The following DLG2 variants were observed in gnomAD, a reference collection of about 807,000 sequenced individuals.
DLG2 encodes disks large homolog 2.
DLG2 carries 45 observed loss-of-function variants against 132.5 expected under a neutral mutation model. The observed-to-expected ratio is 0.34, with a 90% CI of 0.27 to 0.44. The LOEUF (loss-of-function observed/expected upper bound fraction) is 0.44. Among genes scored for constraint, DLG2 ranks in the 20% least tolerant of loss-of-function variants. DLG2 has a pLI of 1.00. For missense variants in DLG2, 1,045 were observed against 1,196.9 expected (o/e 0.87, Z 1.87); for synonymous variants, 424 against 419.6 (o/e 1.01, Z -0.13).
At chr11:84,795,785 G>A (rs1209740063) in intron 6 of DLG2, among the ~76,000 whole-genome samples, 1 of 152,160 alleles carries the variant, frequency 6.6e-6, no homozygotes. Flanking sequence ...GAGGCTCTAT[G>A]GTTTCTGGCA....
chr11:84,275,155 C>T (rs188369167), intron 7 of DLG2, among the ~76,000 whole-genome samples: 19 of 152,286 alleles, frequency 1.2e-4, no homozygotes, highest in Admixed American at 9.8e-4. Flanking sequence ...TTTCCAACCT[C>T]CTGTTTATCA....
chr11:84,526,614 T>G (rs1334704190), intron 7 of DLG2, among the ~76,000 whole-genome samples: 1 of 152,146 alleles, frequency 6.6e-6, no homozygotes, highest in Non-Finnish European at 1.5e-5. Context: ...TTTATTAAAG[T>G]ATATTGTTAT....
At chr11:85,515,683 C>T (rs2094156300) in intron 3 of DLG2, among the ~76,000 whole-genome samples, 1 of 151,938 alleles carries the variant, frequency 6.6e-6, no homozygotes, top group Non-Finnish European at 1.5e-5. Context: ...TAAGAACTGA[C>T]TAGAAGTGGC....
chr11:84,397,578 A>G (rs1336752284), intron 7 of DLG2, among the ~76,000 whole-genome samples: 1 of 152,208 alleles, frequency 6.6e-6, no homozygotes, highest in Non-Finnish European at 1.5e-5. Flanking sequence ...TTAGAAGTCA[A>G]CTGATGAAAG....
chr11:83,772,480 G>A (rs904203838), intron 18 of DLG2, among the ~76,000 whole-genome samples: 10 of 143,260 alleles, frequency 7.0e-5, no homozygotes, highest in African/African-American at 2.6e-4. Flanking sequence ...AAGGAAGGAA[G>A]GAAGGAAGGA....
At chr11:84,650,873 G>GTGTGTGTATATATATA (rs1424393386) in intron 6 of DLG2, among the ~76,000 whole-genome samples, 33 of 123,976 alleles carry the variant, frequency 2.7e-4, no homozygotes, top group African/African-American at 9.2e-4. Context: ...GTGTGTGTGT[G>GTGTGTGTATATATATA]TATATATATA....
chr11:84,276,788 G>A (rs775549079), intron 7 of DLG2, among the ~76,000 whole-genome samples: 2 of 152,140 alleles, frequency 1.3e-5, no homozygotes, highest in Non-Finnish European at 2.9e-5. Flanking sequence ...GCTTTCTGCT[G>A]GTGAATGGTT....
chr11:84,153,792 T>C (rs1050056375), intron 9 of DLG2, among the ~76,000 whole-genome samples: 6 of 152,324 alleles, frequency 3.9e-5, no homozygotes, highest in Non-Finnish European at 7.3e-5. Context: ...TGTGTTTCCT[T>C]GTCATCCAGG....
At chr11:83,532,923 C>G (rs1297353884) in intron 20 of DLG2, 140 bp from the exon 21 acceptor site, 1 of 711,646 alleles carries the variant, frequency 1.4e-6, no homozygotes. Flanking sequence ...TTCCTTTGTT[C>G]CATATAAAAA....
chr11:83,693,358 T>C (rs957491004), intron 18 of DLG2, among the ~76,000 whole-genome samples: 12 of 152,134 alleles, frequency 7.9e-5, no homozygotes, highest in Admixed American at 2.6e-4. Context: ...TCTAATTACC[T>C]TCCCCAACTT....
chr11:84,734,504 C>T (rs1451824894), intron 6 of DLG2, among the ~76,000 whole-genome samples: 3 of 152,130 alleles, frequency 2.0e-5, no homozygotes, highest in African/African-American at 4.8e-5. Flanking sequence ...TGAGACTTTG[C>T]TGAAGTTGCT....
intron 7 of DLG2, among the ~76,000 whole-genome samples, chr11:84,267,016 A>G (rs539531599): frequency 1.3e-5 from 2 of 152,232 alleles, no homozygotes; most frequent in Non-Finnish European, 2.9e-5. Flanking sequence ...CTTATAATCC[A>G]AAGCAGAAAA....
In DLG2 at chr11:83,963,724, A is replaced by G. The variant is rs1251795195; in HGVS notation, c.1202-701T>C. Among the ~76,000 whole-genome samples, 5 of 152,092 alleles carry G rather than the reference A, an allele frequency of 3.3e-5. No individual in the cohort carries two copies. The East Asian group carries it at 7.7e-4, about 24-fold the overall frequency. ...CCTCTTTGCCATTCTTGCAAGATCA[A>G]TCAATTTTAATACCCCCCAACACAT... is the stretch of plus-strand genomic sequence containing the variant. On this transcript the variant is annotated intron_variant, in intron 13 of 27. Transcript: ENST00000376104.
chr11:84,039,820 G>C (rs1451023251), intron 11 of DLG2, among the ~76,000 whole-genome samples: 2 of 142,384 alleles, frequency 1.4e-5, no homozygotes, highest in African/African-American at 5.0e-5. Context: ...GGTTGAACTA[G>C]TTTACAGTCC....
In DLG2 at chr11:85,087,775, T is replaced by C. The variant is rs1052926428; in HGVS notation, c.357+23886A>G. Among the ~76,000 whole-genome samples, 3 of 145,054 alleles carry C rather than the reference T, an allele frequency of 2.1e-5. No homozygotes were observed. In the Admixed American group the frequency reaches 2.1e-4, roughly 10 times the overall value. On this transcript the variant is annotated intron_variant, in intron 6 of 27. Coordinates refer to ENST00000376104, the MANE Select transcript of DLG2 (RefSeq NM_001142699.3). ...ATGGCGTGAACCCGGGAAGCGGAGCTTGCAGTGAGCCGAGATTGCGCCACT... is the reference window on the plus strand; with the variant it reads ...ATGGCGTGAACCCGGGAAGCGGAGCCTGCAGTGAGCCGAGATTGCGCCACT...
At chr11:84,345,590 G>C (rs1303271902) in intron 7 of DLG2, among the ~76,000 whole-genome samples, 1 of 152,126 alleles carries the variant, frequency 6.6e-6, no homozygotes, top group Non-Finnish European at 1.5e-5. Flanking sequence ...CCTACAGTGA[G>C]AATCAAATAT....
At chr11:83,538,066 T>C (rs1386664646) in intron 20 of DLG2, among the ~76,000 whole-genome samples, 1 of 152,202 alleles carries the variant, frequency 6.6e-6, no homozygotes, top group African/African-American at 2.4e-5. Flanking sequence ...CAAAAATTTA[T>C]AATGAATGTT....
chr11:84,445,864 C>G (rs924000363), intron 7 of DLG2, among the ~76,000 whole-genome samples: 2 of 140,354 alleles, frequency 1.4e-5, no homozygotes, highest in African/African-American at 2.6e-5. Flanking sequence ...TGCAGTGAGC[C>G]GAGATGGTGT....
chr11:83,804,471 A>G (rs1045057453), intron 17 of DLG2, among the ~76,000 whole-genome samples: 1 of 151,880 alleles, frequency 6.6e-6, no homozygotes, highest in Non-Finnish European at 1.5e-5. Flanking sequence ...AGAACATTAT[A>G]ATAAAAACTC....
Sources: allele counts gnomAD v4.1 joint callset (sites outside exome capture counted in the v4.1 genomes callset), GRCh38; gene constraint gnomAD v4.1.1; transcripts MANE v1.5; gene names NCBI Gene and HGNC (gene_info 2026-07-23, HGNC 2026-07-21).